The following TENM4 variants were observed in gnomAD, a reference collection of about 807,000 sequenced individuals.
TENM4 encodes teneurin-4.
TENM4 carries 82 observed loss-of-function variants against 243.3 expected under a neutral mutation model. The ratio of observed to expected loss-of-function variants is 0.34; its 90% CI spans 0.28 to 0.40. TENM4 has a LOEUF of 0.40. Ranked by LOEUF, TENM4 falls within the 10% of genes least tolerant of loss-of-function variation. The pLI is 1.00. For synonymous variants in TENM4, 1,412 were observed against 1,456.3 expected (o/e 0.97, Z 0.69); for missense variants, 3,138 against 3,673.3 (o/e 0.85, Z 3.77).
intron 12 of TENM4, among the ~76,000 whole-genome samples, chr11:78,832,336 T>C (rs1485383494): frequency 2.6e-5 from 4 of 152,260 alleles, no homozygotes; most frequent in Non-Finnish European, 5.9e-5. Context: ...TTTAATGCTG[T>C]CAACGTTAAG....
At chr11:78,718,169 A>T (rs1859564656) in intron 25 of TENM4, among the ~76,000 whole-genome samples, 1 of 152,196 alleles carries the variant, frequency 6.6e-6, no homozygotes, top group Non-Finnish European at 1.5e-5. Flanking sequence ...TGATGGGGAC[A>T]CTGAAGCCCA....
At chr11:78,761,808 G>T (rs2135968091) in intron 18 of TENM4, among the ~76,000 whole-genome samples, 1 of 152,148 alleles carries the variant, frequency 6.6e-6, no homozygotes, top group South Asian at 2.1e-4. Flanking sequence ...CAGCCTTTGA[G>T]GATCCCAGCT....
At chr11:78,946,099 A>T (rs554823539) in intron 6 of TENM4, among the ~76,000 whole-genome samples, 9 of 152,270 alleles carry the variant, frequency 5.9e-5, no homozygotes, top group Non-Finnish European at 1.2e-4. Flanking sequence ...TAGACAAAAC[A>T]GCCTTCTATT....
chr11:78,668,624 G>C (rs1264794051), intron 32 of TENM4, among the ~76,000 whole-genome samples: 1 of 152,116 alleles, frequency 6.6e-6, no homozygotes, highest in Non-Finnish European at 1.5e-5. Context: ...GGTCAAATAA[G>C]TTTGAGAAAT....
chr11:79,394,921 T>C (rs921775819), intron 1 of TENM4, among the ~76,000 whole-genome samples: 12 of 152,114 alleles, frequency 7.9e-5, no homozygotes, highest in African/African-American at 2.9e-4. Flanking sequence ...AGTGTCACAA[T>C]CACCAGAAGC....
intron 2 of TENM4, among the ~76,000 whole-genome samples, chr11:79,270,690 A>G (rs918841099): frequency 1.3e-5 from 2 of 152,168 alleles, no homozygotes; most frequent in Non-Finnish European, 2.9e-5. Flanking sequence ...TCCTTCCATG[A>G]CAAATGCTTA....
rs150675233 is a variant in TENM4, at chr11:78,928,635, G to C, written c.494-25112C>G. On this transcript the variant is annotated intron_variant, in intron 6 of 33. Coordinates refer to ENST00000278550, the MANE Select transcript of TENM4 (RefSeq NM_001098816.3). ...CAACTCTTCCATTTGCTAGCTGTGT[G>C]ACTTTGTACATATTATATCACTTTC... Among the ~76,000 whole-genome samples, 10 of 152,308 alleles carry C rather than the reference G, an allele frequency of 6.6e-5. No homozygotes were observed. The East Asian group carries it at 1.9e-3, about 29-fold the overall frequency.
At chr11:78,751,545 T>C (rs558282373) in intron 19 of TENM4, among the ~76,000 whole-genome samples, 2 of 152,342 alleles carry the variant, frequency 1.3e-5, no homozygotes, top group East Asian at 1.9e-4. Context: ...GTTGTAATAC[T>C]GTGTCCTCAA....
intron 1 of TENM4, among the ~76,000 whole-genome samples, chr11:79,417,414 G>C (rs1453952375): frequency 6.6e-6 from 1 of 152,166 alleles, no homozygotes; most frequent in African/African-American, 2.4e-5. Context: ...AGATGCCGTT[G>C]TTTGGACTTA....
intron 4 of TENM4, among the ~76,000 whole-genome samples, chr11:79,086,799 A>C (rs143704867): frequency 0.047 from 6,405 of 136,470 alleles, 238 homozygotes; most frequent in East Asian, 0.25. Flanking sequence ...ATTCCATTGC[A>C]CTCCAGCCTG....
Position 78,805,355 on chromosome 11 carries a change from A to G in TENM4, c.2116T>C (p.Phe706Leu). 1 of 1,567,424 alleles carries G rather than the reference A, an allele frequency of 6.4e-7. No homozygotes were observed. The highest frequency in any genetic ancestry group is 8.7e-7 in the Non-Finnish European group (1 of 1,152,232). ...CTGCAAAGCCCGGTGTCCGGGAGGAAGGTTCCGTGGCCTGAACACTGGTCT... is the reference window on the plus strand; with the variant it reads ...CTGCAAAGCCCGGTGTCCGGGAGGAGGGTTCCGTGGCCTGAACACTGGTCT... ...CLDQCSGHGT[F>L]LPDTGLCSCD... The change falls in exon 15 of 34, where the codon TTC becomes CTC. Residue 706 changes from phenylalanine (F) to leucine (L), a missense_variant. By Grantham distance (22) the Phe-to-Leu change is conservative. This residue lies in a region of TENM4 where 2,467 missense variants were observed against 3,059.1 expected (regional missense o/e 0.81). Transcript: ENST00000278550.
At chr11:78,802,324 G>T (rs1857297654) in intron 15 of TENM4, among the ~76,000 whole-genome samples, 1 of 152,220 alleles carries the variant, frequency 6.6e-6, no homozygotes, top group South Asian at 2.1e-4. Flanking sequence ...CGCTGAGGCA[G>T]GTACTATTAC....
intron 6 of TENM4, among the ~76,000 whole-genome samples, chr11:79,036,538 A>T (rs968054825): frequency 6.6e-6 from 1 of 152,200 alleles, no homozygotes; most frequent in African/African-American, 2.4e-5. Context: ...ATGGTACTGG[A>T]CCAAAAGACA....
chr11:79,409,060 T>TTTTGTGTGTGTGTG (rs1481018185), intron 1 of TENM4, among the ~76,000 whole-genome samples: 1 of 141,938 alleles, frequency 7.0e-6, no homozygotes, highest in African/African-American at 2.7e-5. Context: ...GAGGGATATT[T>TTTTGTGTGTGTGTG]TGTGTGTGTG....
intron 1 of TENM4, among the ~76,000 whole-genome samples, chr11:79,400,969 G>A (rs1858448983): frequency 6.6e-6 from 1 of 152,236 alleles, no homozygotes; most frequent in African/African-American, 2.4e-5. Context: ...GGTGGCATAT[G>A]CCAGACTTGG....
chr11:79,345,157 C>G (rs890047312), intron 1 of TENM4, among the ~76,000 whole-genome samples: 3 of 152,202 alleles, frequency 2.0e-5, no homozygotes, highest in East Asian at 1.9e-4. Context: ...TTACCCACCC[C>G]CTTTGGTGTT....
intron 2 of TENM4, among the ~76,000 whole-genome samples, chr11:79,251,293 G>C (rs947581500): frequency 6.6e-6 from 1 of 152,166 alleles, no homozygotes; most frequent in South Asian, 2.1e-4. Context: ...AGCTGCATAG[G>C]AAACCAAGAA....
intron 15 of TENM4, among the ~76,000 whole-genome samples, chr11:78,791,455 C>T (rs1857054325): frequency 6.6e-6 from 1 of 152,206 alleles, no homozygotes; most frequent in Admixed American, 6.5e-5. Context: ...CTCCTAGTCA[C>T]AAGTTCCCTT....
At chr11:78,780,203 C>A (rs181919329) in intron 16 of TENM4, among the ~76,000 whole-genome samples, 1 of 152,182 alleles carries the variant, frequency 6.6e-6, no homozygotes, top group Non-Finnish European at 1.5e-5. Context: ...ACAGCCCACA[C>A]GAAAAATGGC....
Sources: gnomAD v4.1 joint callset for allele counts (sites outside exome capture counted in the v4.1 genomes callset) on GRCh38, gnomAD v4.1.1 for gene constraint, gnomAD v4.1.1 regional missense constraint, MANE v1.5 for transcripts, NCBI Gene and HGNC (gene_info 2026-07-23, HGNC 2026-07-21) for gene names.